The following CSMD2 variants were observed in gnomAD, a reference collection of about 807,000 sequenced individuals.
CSMD2 encodes the protein CUB and sushi domain-containing protein 2.
In CSMD2, 130 loss-of-function variants were observed where a neutral mutation model predicts 398.5. The ratio of observed to expected loss-of-function variants is 0.33; its 90% CI spans 0.28 to 0.38. CSMD2 has a LOEUF of 0.38. Ranked by LOEUF, CSMD2 falls within the 10% of genes least tolerant of loss-of-function variation. CSMD2 has a pLI of 1.00. For synonymous variants in CSMD2, 1,828 were observed against 1,908.5 expected, an observed-to-expected ratio of 0.96 and a Z score of 1.10; for missense variants, 3,829 against 4,764.9, an observed-to-expected ratio of 0.80 and a Z score of 5.78.
intron 41 of CSMD2, among the ~76,000 whole-genome samples, chr1:33,609,138 G>C (rs1640831170): frequency 6.6e-6 from 1 of 152,188 alleles, no homozygotes; most frequent in African/African-American, 2.4e-5. Flanking sequence ...AAGTGGCTCT[G>C]TCTGGGTGCA....
intron 58 of CSMD2, among the ~76,000 whole-genome samples, chr1:33,542,085 C>T (rs1311838455): frequency 6.6e-6 from 1 of 152,146 alleles, no homozygotes; most frequent in Non-Finnish European, 1.5e-5. Flanking sequence ...CAGAGGGAGT[C>T]GAAATCACAG....
intron 36 of CSMD2, among the ~76,000 whole-genome samples, chr1:33,622,816 G>A (rs1641859619): frequency 6.6e-6 from 1 of 152,218 alleles, no homozygotes; most frequent in Non-Finnish European, 1.5e-5. Context: ...ACATGACCCA[G>A]CAATTCCACT....
intron 5 of CSMD2, among the ~76,000 whole-genome samples, chr1:33,877,509 C>T (rs76510921): frequency 0.017 from 2,534 of 152,176 alleles, 79 homozygotes; most frequent in African/African-American, 0.058. Flanking sequence ...CTCTAAATCC[C>T]GAGGCATTAC....
intron 25 of CSMD2, among the ~76,000 whole-genome samples, chr1:33,681,555 C>T (rs1644908948): frequency 6.6e-6 from 1 of 152,164 alleles, no homozygotes; most frequent in African/African-American, 2.4e-5. Flanking sequence ...CTTTCATAGT[C>T]ACCAATTCTT....
At chr1:33,945,485 C>T (rs1467883212) in intron 3 of CSMD2, among the ~76,000 whole-genome samples, 1 of 152,042 alleles carries the variant, frequency 6.6e-6, no homozygotes, top group South Asian at 2.1e-4. Flanking sequence ...AAGAGCTAGA[C>T]CCTGCCTTTA....
rs1209142282 is a variant in CSMD2 at position 34,081,020 on chromosome 1, A to G, written c.404+7957T>C. On this transcript the variant is annotated intron_variant, in intron 2 of 70. Coordinates refer to ENST00000373381, the MANE Select transcript of CSMD2 (RefSeq NM_001281956.2). ...GAGAAAGGGATGTGACCCAGACACCATGGAGAAAGAAAGGTTGAGTGGGAA... is the reference window on the plus strand; with the variant it reads ...GAGAAAGGGATGTGACCCAGACACCGTGGAGAAAGAAAGGTTGAGTGGGAA... Among the ~76,000 whole-genome samples, 44 of 151,990 alleles carry G rather than the reference A, an allele frequency of 2.9e-4. 1 individual carries two copies. Among genetic ancestry groups the G allele is most frequent in the Admixed American group, 2.9e-3 (44 of 15,226 alleles).
At chr1:33,700,918 T>C (rs1380954184) in intron 22 of CSMD2, among the ~76,000 whole-genome samples, 1 of 152,250 alleles carries the variant, frequency 6.6e-6, no homozygotes, top group Non-Finnish European at 1.5e-5. Context: ...CTTTGGGAAC[T>C]CATTGCTATT....
chr1:33,835,344 C>A lies in CSMD2; in HGVS notation c.1034-9570G>T, dbSNP rs1411610636. On this transcript the variant is annotated intron_variant, in intron 6 of 70. Coordinates refer to ENST00000373381, the MANE Select transcript of CSMD2 (RefSeq NM_001281956.2). ...GCCATAAAAAATGATGAGTTCATGTCCTTTGTAGGGACATGGATGAAATTG... is the reference window on the plus strand; with the variant it reads ...GCCATAAAAAATGATGAGTTCATGTACTTTGTAGGGACATGGATGAAATTG... Among the ~76,000 whole-genome samples the A allele has an allele frequency of 7.8e-5, 4 of 50,998 alleles. 2 individuals are homozygous for A. Among genetic ancestry groups the A allele is most frequent in the Non-Finnish European group, 1.2e-4 (4 of 33,780 alleles). 33.5% of individuals were successfully genotyped at this position (50,998 alleles called of 152,430 possible).
Position 33,935,850 on chromosome 1 carries a change from C to A in CSMD2, c.622G>T (p.Gly208Cys). The change falls in exon 4 of 71, where the codon GGC becomes TGC. Residue 208 changes from glycine to cysteine, a missense_variant. Around this residue, in one of 5 missense-constraint regions of CSMD2, gnomAD observed 2,001 missense variants for 2,567.1 expected, o/e 0.78. Transcript: ENST00000373381. Reference sequence around the variant, plus strand: ...ACGGCGTGGCCCTCCAGGAAGAAGCCAAGGTTGCAGCTGTAGCGGACCTTG... The same window carrying A: ...ACGGCGTGGCCCTCCAGGAAGAAGCAAAGGTTGCAGCTGTAGCGGACCTTG... Reference protein sequence around the residue: ...GDKVRYSCNLGFFLEGHAVLT... With the variant: ...GDKVRYSCNLCFFLEGHAVLT... 1 of 1,614,204 alleles carries A rather than the reference C, an allele frequency of 6.2e-7. No homozygotes were observed. Among genetic ancestry groups the A allele is most frequent in the Non-Finnish European group, 8.5e-7 (1 of 1,180,020 alleles).
At chr1:33,726,810 A>G in intron 15 of CSMD2, 125 bp from the exon 16 acceptor site, 1 of 1,065,982 alleles carries the variant, frequency 9.4e-7, no homozygotes, top group Non-Finnish European at 1.3e-6. Flanking sequence ...AATTACATAA[A>G]CTATAAACTG....
intron 13 of CSMD2, among the ~76,000 whole-genome samples, chr1:33,756,151 A>T (rs1357738481): frequency 6.6e-6 from 1 of 152,110 alleles, no homozygotes; most frequent in East Asian, 1.9e-4. Flanking sequence ...ATATGAACAG[A>T]TCCATTTCAG....
chr1:33,970,106 C>T (rs77680362), intron 3 of CSMD2, among the ~76,000 whole-genome samples: 1 of 98,806 alleles, frequency 1.0e-5, no homozygotes, highest in South Asian at 3.3e-4. Context: ...AACTCCATCT[C>T]AAAAAAAAAA....
chr1:33,930,107 A>G (rs1644264107), intron 4 of CSMD2, among the ~76,000 whole-genome samples: 1 of 152,242 alleles, frequency 6.6e-6, no homozygotes, highest in African/African-American at 2.4e-5. Flanking sequence ...CAATTCTCTG[A>G]GTCTAGAACA....
intron 5 of CSMD2, among the ~76,000 whole-genome samples, chr1:33,868,230 A>G (rs1349678312): frequency 6.6e-6 from 1 of 152,174 alleles, no homozygotes; most frequent in Non-Finnish European, 1.5e-5. Context: ...AGGCAGGCCC[A>G]TCACCATCTT....
intron 3 of CSMD2, among the ~76,000 whole-genome samples, chr1:33,961,895 T>C (rs1371721785): frequency 1.3e-5 from 2 of 152,158 alleles, no homozygotes; most frequent in African/African-American, 4.8e-5. Context: ...TCAACCTCTT[T>C]TCCTTATAAA....
intron 10 of CSMD2, among the ~76,000 whole-genome samples, chr1:33,806,654 G>A (rs971983588): frequency 2.0e-5 from 3 of 152,134 alleles, no homozygotes; most frequent in Admixed American, 6.5e-5. Flanking sequence ...AAGAATTCAA[G>A]AATGATCTAA....
chr1:33,891,095 C>A (rs1434590301), intron 5 of CSMD2, among the ~76,000 whole-genome samples: 4 of 152,162 alleles, frequency 2.6e-5, no homozygotes, highest in South Asian at 2.1e-4. Context: ...AAAGAAACTA[C>A]CATCAGAGTG....
At chr1:34,039,850 G>A (rs1260286112) in intron 2 of CSMD2, among the ~76,000 whole-genome samples, 1 of 152,238 alleles carries the variant, frequency 6.6e-6, no homozygotes, top group South Asian at 2.1e-4. Flanking sequence ...TAAACAATGA[G>A]ATCTCAATAA....
At chr1:33,978,212 C>G (rs1283516471) in intron 3 of CSMD2, among the ~76,000 whole-genome samples, 1 of 152,188 alleles carries the variant, frequency 6.6e-6, no homozygotes, top group East Asian at 1.9e-4. Flanking sequence ...ACTCCAGAGC[C>G]TGTACTCTTG....
Sources: allele counts gnomAD v4.1 joint callset (sites outside exome capture counted in the v4.1 genomes callset), GRCh38; gene constraint gnomAD v4.1.1; regional missense constraint gnomAD v4.1.1; transcripts MANE v1.5; gene names NCBI Gene and HGNC (gene_info 2026-07-23, HGNC 2026-07-21).